POU6F2: variants seen among roughly 807,000 people sequenced by gnomAD.
The protein encoded by POU6F2 is POU class 6 homeobox 2.
In POU6F2, 31 loss-of-function variants were observed where a neutral mutation model predicts 71.3. The observed-to-expected ratio is 0.43, with a 90% CI of 0.33 to 0.59. The LOEUF is 0.59. Among genes scored for constraint, POU6F2 ranks in the 20% least tolerant of loss-of-function variants. The pLI is 0.04. For synonymous variants in POU6F2, 347 were observed against 355.7 expected (o/e 0.98, Z 0.27); for missense variants, 783 against 856.8 (o/e 0.91, Z 1.07).
chr7:39,041,629 G>A (rs1191786786), intron 1 of POU6F2, among the ~76,000 whole-genome samples: 1 of 151,686 alleles, frequency 6.6e-6, no homozygotes, highest in Non-Finnish European at 1.5e-5. Context: ...TTTATATTAT[G>A]GATACTACAT....
At chr7:39,417,919 G>T (rs956800008) in intron 6 of POU6F2, among the ~76,000 whole-genome samples, 3 of 152,174 alleles carry the variant, frequency 2.0e-5, no homozygotes, top group African/African-American at 7.2e-5. Flanking sequence ...TTGTTAGGAG[G>T]ATTAGTATTA....
intron 1 of POU6F2, among the ~76,000 whole-genome samples, chr7:39,057,264 C>T (rs1426280208): frequency 6.6e-6 from 1 of 151,956 alleles, no homozygotes; most frequent in Non-Finnish European, 1.5e-5. Flanking sequence ...CTGGGAAAGG[C>T]CATTTTTATA....
chr7:39,277,028 T>G (rs937027537), intron 4 of POU6F2, among the ~76,000 whole-genome samples: 1 of 152,152 alleles, frequency 6.6e-6, no homozygotes, highest in Non-Finnish European at 1.5e-5. Context: ...ATTGTGCACA[T>G]GTACCCTAAA....
chr7:39,466,498 A>G lies in POU6F2; in HGVS notation c.*1812A>G, dbSNP rs1252724530. 2 of 152,250 alleles carry G rather than the reference A, an allele frequency of 1.3e-5. No homozygotes were observed. The highest frequency in any genetic ancestry group is 4.8e-5 in the African/African-American group (2 of 41,468). 9.4% of individuals were successfully genotyped at this position (152,250 alleles called of 1,614,324 possible). ...ATGTACATATTTATGCATAATTTAT[A>G]ATCATGCTAATGTATTATCTAGAAG... is the stretch of plus-strand genomic sequence containing the variant. On this transcript the variant is annotated 3_prime_UTR_variant, in exon 10 of 10. Transcript: ENST00000518318.
intron 6 of POU6F2, among the ~76,000 whole-genome samples, chr7:39,426,428 T>C (rs2115997034): frequency 6.6e-6 from 1 of 152,314 alleles, no homozygotes; most frequent in East Asian, 1.9e-4. Context: ...AGGGGTCCTC[T>C]GGGACAGGAT....
At chr7:39,347,439 GGGT>G (rs1786052712) in intron 5 of POU6F2, among the ~76,000 whole-genome samples, 5 of 152,114 alleles carry the variant, frequency 3.3e-5, no homozygotes, top group Admixed American at 3.3e-4. Context: ...CTGAGGAAAG[GGGT>G]GAGGAGCACA....
At chr7:39,099,946 C>T (rs1196022013) in intron 2 of POU6F2, among the ~76,000 whole-genome samples, 1 of 152,074 alleles carries the variant, frequency 6.6e-6, no homozygotes, top group Non-Finnish European at 1.5e-5. Context: ...CCATGAAAGC[C>T]AAAACTCAAG....
At chr7:39,414,658 A>T (rs903698197) in intron 6 of POU6F2, among the ~76,000 whole-genome samples, 3 of 152,196 alleles carry the variant, frequency 2.0e-5, no homozygotes, top group Admixed American at 1.3e-4. Context: ...TGCGTCCTTA[A>T]GACTGCGGGT....
At chr7:39,026,955 C>G (rs1334118705) in intron 1 of POU6F2, among the ~76,000 whole-genome samples, 1 of 151,998 alleles carries the variant, frequency 6.6e-6, no homozygotes, top group Admixed American at 6.6e-5. Context: ...TCAAGTGTCT[C>G]CTCTGATACT....
chr7:39,229,136 T>G (rs1164577670), intron 4 of POU6F2, among the ~76,000 whole-genome samples: 1 of 152,166 alleles, frequency 6.6e-6, no homozygotes, highest in Non-Finnish European at 1.5e-5. Flanking sequence ...CTGTTTCCAG[T>G]GGATTGATGG....
At chr7:39,417,442 G>A (rs112812766) in intron 6 of POU6F2, among the ~76,000 whole-genome samples, 131 of 152,246 alleles carry the variant, frequency 8.6e-4, no homozygotes, top group African/African-American at 3.0e-3. Flanking sequence ...ATTGAATTTA[G>A]TGCACTAGCC....
At chr7:39,167,231 C>T (rs1209560949) in intron 2 of POU6F2, among the ~76,000 whole-genome samples, 3 of 151,974 alleles carry the variant, frequency 2.0e-5, no homozygotes, top group Non-Finnish European at 4.4e-5. Context: ...GGCTAAAAAA[C>T]ATACTTGTCT....
At chr7:39,121,216 ACT>A (rs1792032948) in intron 2 of POU6F2, among the ~76,000 whole-genome samples, 1 of 152,160 alleles carries the variant, frequency 6.6e-6, no homozygotes, top group African/African-American at 2.4e-5. Flanking sequence ...AGCTGTGTAA[ACT>A]CTGAAAAGTT....
At chr7:39,201,336 T>C (rs1793897862) in intron 2 of POU6F2, among the ~76,000 whole-genome samples, 1 of 152,218 alleles carries the variant, frequency 6.6e-6, no homozygotes, top group South Asian at 2.1e-4. Context: ...GCTTTTAATA[T>C]CTAAATTGGA....
At chr7:39,146,120 T>C (rs942534413) in intron 2 of POU6F2, among the ~76,000 whole-genome samples, 3 of 152,166 alleles carry the variant, frequency 2.0e-5, no homozygotes, top group African/African-American at 7.2e-5. Context: ...CTAAATGTTA[T>C]GGGAGGAAGA....
At chr7:39,437,266 TG>T (rs1275421659) in intron 7 of POU6F2, among the ~76,000 whole-genome samples, 2 of 152,236 alleles carry the variant, frequency 1.3e-5, no homozygotes, top group Non-Finnish European at 2.9e-5. Context: ...TTTTTTTGGT[TG>T]GTAGGCTATT....
intron 4 of POU6F2, among the ~76,000 whole-genome samples, chr7:39,323,852 T>G (rs894608210): frequency 2.0e-5 from 3 of 152,108 alleles, no homozygotes; most frequent in Non-Finnish European, 2.9e-5. Context: ...CTCACACCTG[T>G]AATCCTAGCA....
At chr7:39,047,108 T>C (rs939085431) in intron 1 of POU6F2, among the ~76,000 whole-genome samples, 2 of 151,960 alleles carry the variant, frequency 1.3e-5, no homozygotes, top group Non-Finnish European at 2.9e-5. Flanking sequence ...TGTAGCTTTA[T>C]AGTAAGTTTT....
At chr7:39,199,609 A>G (rs957831019) in intron 2 of POU6F2, among the ~76,000 whole-genome samples, 3 of 152,170 alleles carry the variant, frequency 2.0e-5, no homozygotes, top group African/African-American at 7.2e-5. Context: ...GGAGTGTGGG[A>G]GGCTTGGTCC....
Sources: allele counts gnomAD v4.1 joint callset (sites outside exome capture counted in the v4.1 genomes callset), GRCh38; gene constraint gnomAD v4.1.1; transcripts MANE v1.5; gene names NCBI Gene and HGNC (gene_info 2026-07-23, HGNC 2026-07-21).